CAPN15: variants seen among roughly 807,000 people sequenced by gnomAD.
CAPN15 encodes the protein calpain 15, also known as calpain-15.
In CAPN15, 53 loss-of-function variants were observed where a neutral mutation model predicts 97.9. That is an observed-to-expected ratio of 0.54 (90% CI 0.43 to 0.68). The LOEUF is 0.68. Ranked by LOEUF, CAPN15 falls within the 30% of genes least tolerant of loss-of-function variation. CAPN15 has a pLI of 0.00. For synonymous variants in CAPN15, 922 were observed against 722.5 expected (o/e 1.28, Z -4.43); for missense variants, 1,592 against 1,589.8 (o/e 1.00, Z -0.02).
intron 2 of CAPN15, among the ~76,000 whole-genome samples, chr16:534,266 C>T (rs374477969): frequency 6.7e-5 from 2 of 29,730 alleles, no homozygotes; most frequent in East Asian, 0.026. Context: ...CTCCCCTGTG[C>T]TGTGGCCCCG....
chr16:552,616 T>C lies in CAPN15; in HGVS notation c.2749T>C (p.Ser917Pro), dbSNP rs759005296. 51 of 1,535,954 alleles carry C rather than the reference T, an allele frequency of 3.3e-5. No homozygotes were observed. In the East Asian group the frequency reaches 1.1e-3, roughly 33 times the overall value. ...GCCCGTCCTTGTAGCCTCCAGCCCC[T>C]CGGCAGGGGTCCCGAGAGCCTCCCC... ...GTPAPQASSPSAGVPRASPEP... is the reference protein window; with the variant it reads ...GTPAPQASSPPAGVPRASPEP... The change falls in exon 12 of 14, where the codon TCG (serine) becomes CCG (proline). Residue 917 changes from serine (S) to proline (P), a missense_variant. Transcript: ENST00000219611. This position sits in a 1 kb window ranked among gnomAD's most constrained non-coding sequence, Gnocchi z 6.4.
In CAPN15 at chr16:551,430, A is replaced by G. The variant is rs756630356; in HGVS notation, c.2192+3A>G. On this transcript the variant is annotated splice_donor_region_variant and intron_variant, in intron 8 of 13. Coordinates refer to ENST00000219611, the MANE Select transcript of CAPN15 (RefSeq NM_005632.3). ...GTCCGAGATGTCCAGGGCACCAGGT[A>G]GGGCCGGCCTGGCTGAGGGTGGGTG... The G allele has an allele frequency of 3.1e-6, 5 of 1,604,306 alleles. No individual in the cohort carries two copies. In the East Asian group the frequency reaches 1.1e-4, roughly 36 times the overall value.
At chr16:544,705 C>T (rs920992246) in intron 3 of CAPN15, among the ~76,000 whole-genome samples, 3 of 137,112 alleles carry the variant, frequency 2.2e-5, no homozygotes, top group East Asian at 2.1e-4. Flanking sequence ...TCCCCCACGT[C>T]GCCTCCCCCA....
intron 1 of CAPN15, among the ~76,000 whole-genome samples, chr16:533,184 G>A (rs965176486): frequency 2.6e-5 from 4 of 152,206 alleles, no homozygotes; most frequent in African/African-American, 9.6e-5. Context: ...TTGCACCACT[G>A]CACCCCAGCC....
At chr16:548,909 C>A in intron 4 of CAPN15, 84 bp from the exon 5 acceptor site, 3 of 1,273,588 alleles carry the variant, frequency 2.4e-6, no homozygotes, top group South Asian at 1.2e-5. Flanking sequence ...TGCTTTTGGG[C>A]GCTCTCCTGG....
intron 3 of CAPN15, 38 bp downstream of exon 3, chr16:536,180 C>A: frequency 1.5e-6 from 1 of 651,050 alleles, no homozygotes; most frequent in Non-Finnish European, 1.9e-6. Context: ...CTGGCCGCAG[C>A]AGGCCCTGTC....
At chr16:533,863 G>T (rs2046758141) in intron 1 of CAPN15, 83 bp from the exon 2 acceptor site, 2 of 639,492 alleles carry the variant, frequency 3.1e-6, no homozygotes, top group Non-Finnish European at 3.9e-6. Context: ...CTGCAGAGAG[G>T]GCTGGAGGCG....
chr16:552,800 G>GTGGGGGGGGGGGGGGGT lies in CAPN15; in HGVS notation c.2904+34_2904+35insGGGGGGGGGGGTTGGGG. 1 of 1,525,938 alleles carries GTGGGGGGGGGGGGGGGT rather than the reference G, an allele frequency of 6.6e-7. No individual in the cohort carries two copies. The allele number at this position is 1,525,938 out of a possible 1,614,324, so 94.5% of individuals were successfully genotyped here. On this transcript the variant is annotated intron_variant, in intron 12 of 13. Coordinates refer to ENST00000219611, the MANE Select transcript of CAPN15 (RefSeq NM_005632.3). The surrounding 1 kb of genome is among the most constrained non-coding windows in gnomAD (Gnocchi z 6.4). ...GGTGGGGGTCCCGGGGGAGGGTGGC[G>GTGGGGGGGGGGGGGGGT]TGGGGCAGGGGGAGTATGCCCCAGC...
At chr16:542,111 G>A (rs937209454) in intron 3 of CAPN15, among the ~76,000 whole-genome samples, 17 of 152,312 alleles carry the variant, frequency 1.1e-4, no homozygotes, top group African/African-American at 3.1e-4. Context: ...ACTCGGCACC[G>A]TGCCCTCCAG....
intron 3 of CAPN15, among the ~76,000 whole-genome samples, chr16:544,111 C>A (rs1048785126): frequency 6.6e-6 from 1 of 152,132 alleles, no homozygotes; most frequent in African/African-American, 2.4e-5. Flanking sequence ...AAGGGTAGAC[C>A]CCCCCTGGCA....
intron 4 of CAPN15, among the ~76,000 whole-genome samples, chr16:548,675 G>A (rs191249588): frequency 5.0e-4 from 76 of 152,348 alleles, no homozygotes; most frequent in African/African-American, 1.2e-3. Context: ...CATCACCCAC[G>A]GGTCAACTGG....
chr16:552,336 T>C lies in CAPN15; in HGVS notation c.2543T>C (p.Leu848Pro). 1 of 1,587,050 alleles carries C rather than the reference T, an allele frequency of 6.3e-7. No individual in the cohort carries two copies. Among genetic ancestry groups the C allele is most frequent in the Admixed American group, 1.7e-5 (1 of 57,182 alleles). ...SDAVDSHLLDLCILVFRATFG... is the reference protein window; with the variant it reads ...SDAVDSHLLDPCILVFRATFG... ...GCCGTGGACAGCCACCTGCTGGACCTGTGCATCCTGGTGTTCCGGGCCACG... is the reference window on the plus strand; with the variant it reads ...GCCGTGGACAGCCACCTGCTGGACCCGTGCATCCTGGTGTTCCGGGCCACG... The change falls in exon 11 of 14, where the codon CTG (leucine) becomes CCG (proline). Residue 848 changes from leucine (L) to proline (P), a missense_variant. Transcript: ENST00000219611. The surrounding 1 kb of genome is among the most constrained non-coding windows in gnomAD (Gnocchi z 6.4).
intron 3 of CAPN15, among the ~76,000 whole-genome samples, chr16:544,110 C>A (rs995022293): frequency 1.0e-4 from 15 of 142,912 alleles, no homozygotes; most frequent in African/African-American, 4.3e-4. Flanking sequence ...CAAGGGTAGA[C>A]CCCCCCTGGC....
At chr16:529,329 C>T (rs2033079290) in intron 1 of CAPN15, among the ~76,000 whole-genome samples, 1 of 152,130 alleles carries the variant, frequency 6.6e-6, no homozygotes, top group South Asian at 2.1e-4. Flanking sequence ...TGTAATGCTG[C>T]ATCTGTGTGA....
rs892346764 is a variant in CAPN15, at chr16:527,913, C to G, written c.-306C>G. 6.8e-6 allele frequency: 1 copy of G among 146,062 alleles called. No homozygotes were observed. Among genetic ancestry groups the G allele is most frequent in the African/African-American group, 2.5e-5 (1 of 40,732 alleles). The allele number at this position is 146,062 out of a possible 1,614,324, so 9.0% of individuals were successfully genotyped here. On this transcript the variant is annotated 5_prime_UTR_variant, in exon 1 of 14. Coordinates refer to ENST00000219611, the MANE Select transcript of CAPN15 (RefSeq NM_005632.3). ...GCAGCGCGGCCGGCGGCGAGAGGGG[C>G]CCCGCCGCTCTCCGGAGGCAGAAGT... is the stretch of plus-strand genomic sequence containing the variant.
intron 3 of CAPN15, among the ~76,000 whole-genome samples, chr16:544,621 C>G (rs1358974568): frequency 6.6e-6 from 1 of 152,004 alleles, no homozygotes; most frequent in Non-Finnish European, 1.5e-5. Context: ...GTCTTTTGTG[C>G]TGGATTTTTC....
chr16:538,906 C>T (rs564438575), intron 3 of CAPN15: 1 of 151,590 alleles, frequency 6.6e-6, no homozygotes, highest in African/African-American at 2.4e-5. Context: ...TAGGGCTGCC[C>T]CCAGGCCTCC....
intron 1 of CAPN15, among the ~76,000 whole-genome samples, chr16:530,803 G>A (rs967120590): frequency 2.6e-5 from 4 of 152,342 alleles, no homozygotes; most frequent in Admixed American, 6.5e-5. Flanking sequence ...GATGAGCTGC[G>A]TCAGGCTGTT....
rs573611210 is a variant in CAPN15, at chr16:535,866, A to G, written c.-136-163A>G. On this transcript the variant is annotated intron_variant, in intron 2 of 13. Transcript: ENST00000219611. This position sits in a 1 kb window ranked among gnomAD's most constrained non-coding sequence, Gnocchi z 6.2. The stretch of plus-strand genomic sequence containing the variant: ...GCAGCACAGATGCTTGGCCGGCGGC[A>G]GGCCCTACAGGAGCAGCAGCGGCCC... 7.6e-4 allele frequency among the ~76,000 whole-genome samples: 116 copies of G among 152,190 alleles called. No individual in the cohort carries two copies. The highest frequency in any genetic ancestry group is 2.7e-3 in the African/African-American group (113 of 41,536).
Sources: gnomAD v4.1 joint callset for allele counts (sites outside exome capture counted in the v4.1 genomes callset) on GRCh38, gnomAD v4.1.1 for gene constraint, Gnocchi (gnomAD v3.1) non-coding constraint, MANE v1.5 for transcripts, NCBI Gene and HGNC (gene_info 2026-07-23, HGNC 2026-07-21) for gene names.